F13B: variants seen among roughly 807,000 people sequenced by gnomAD.
F13B encodes the protein TGase.
A neutral mutation model predicts 79.8 loss-of-function variants in F13B; 58 were observed. That is an observed-to-expected ratio of 0.73 (90% confidence interval 0.59 to 0.90). The LOEUF is 0.90. Among genes scored for constraint, F13B ranks in the 40% least tolerant of loss-of-function variants. The pLI, the probability that F13B is intolerant of heterozygous loss-of-function variation, is 0.00. For missense variants in F13B, 773 were observed against 777.0 expected, an observed-to-expected ratio of 0.99 and a Z score of 0.06; for synonymous variants, 283 against 260.3, an observed-to-expected ratio of 1.09 and a Z score of -0.84.
Position 197,061,961 on chromosome 1 carries a change from T to C in F13B, c.274A>G (p.Thr92Ala). ...TAACCATTACTCAGGTCAGGCTTAG[T>C]GCATTTTTCTATGGGAAAAAAAATT... ...SPEPRCFKKC[T>A]KPDLSNGYIS... The change falls in exon 3 of 12, where the codon ACT becomes GCT. Residue 92 changes from threonine to alanine, a missense_variant. By Grantham distance (58) the Thr-to-Ala change is moderately conservative (BLOSUM62 0). Coordinates refer to ENST00000367412, the MANE Select transcript of F13B (RefSeq NM_001994.3). 1.9e-6 allele frequency: 3 copies of C among 1,611,800 alleles called. No individual in the cohort carries two copies. Among genetic ancestry groups the C allele is most frequent in the Non-Finnish European group, 2.5e-6 (3 of 1,178,594 alleles).
intron 10 of F13B, among the ~76,000 whole-genome samples, chr1:197,045,302 G>T (rs932221751): frequency 6.6e-6 from 1 of 151,952 alleles, no homozygotes; most frequent in African/African-American, 2.4e-5. Flanking sequence ...GAATCAAATA[G>T]ATGCAATAAA....
intron 10 of F13B, among the ~76,000 whole-genome samples, chr1:197,042,014 TTTA>T (rs1452385315): frequency 6.6e-6 from 1 of 152,186 alleles, no homozygotes; most frequent in African/African-American, 2.4e-5. Context: ...GGCATGAAAT[TTTA>T]TTATACTACT....
chr1:197,063,224 T>C (rs1427462037), intron 1 of F13B, among the ~76,000 whole-genome samples, 167 bp from the exon 2 acceptor site: 2 of 152,220 alleles, frequency 1.3e-5, no homozygotes, highest in African/African-American at 2.4e-5. Flanking sequence ...GCAGTCCTTT[T>C]ATCATAATTG....
At chr1:197,064,970 G>A (rs1655998264) in intron 1 of F13B, among the ~76,000 whole-genome samples, 1 of 152,056 alleles carries the variant, frequency 6.6e-6, no homozygotes, top group South Asian at 2.1e-4. Context: ...TGCTAGCCTA[G>A]GTTTGAAGGA....
chr1:197,042,676 C>T (rs1335185969), intron 10 of F13B, among the ~76,000 whole-genome samples: 2 of 147,724 alleles, frequency 1.4e-5, no homozygotes, highest in South Asian at 4.5e-4. Flanking sequence ...AAAAAATAGC[C>T]GGGCATGGTG....
intron 1 of F13B, among the ~76,000 whole-genome samples, 192 bp downstream of exon 1, chr1:197,066,967 AT>A (rs1656076006): frequency 6.6e-6 from 1 of 152,136 alleles, no homozygotes; most frequent in South Asian, 2.1e-4. Context: ...TTTCTGACTT[AT>A]GCTACTGTAA....
chr1:197,044,674 T>A (rs1655164137), intron 10 of F13B, among the ~76,000 whole-genome samples: 1 of 152,012 alleles, frequency 6.6e-6, no homozygotes. Flanking sequence ...GACATCTGCA[T>A]AACTCTCCAC....
chr1:197,066,656 A>G lies in F13B; in HGVS notation c.64+504T>C, dbSNP rs1157698315. Among the ~76,000 whole-genome samples the G allele has an allele frequency of 2.0e-5, 3 of 152,314 alleles. No homozygotes were observed. In the East Asian group the frequency reaches 5.8e-4, roughly 29 times the overall value. On this transcript the variant is annotated intron_variant, in intron 1 of 11. Transcript: ENST00000367412. The stretch of plus-strand genomic sequence containing the variant: ...CAATTATATGGTTCACCTACTAATC[A>G]CTACTTAATGTCTCCAACAAATGAA...
chr1:197,045,766 T>C (rs1003362110), intron 10 of F13B, among the ~76,000 whole-genome samples: 1 of 152,148 alleles, frequency 6.6e-6, no homozygotes, highest in Non-Finnish European at 1.5e-5. Context: ...AAATCCTCAA[T>C]AAAATACTGG....
chr1:197,046,193 G>T (rs1655223131), intron 10 of F13B, among the ~76,000 whole-genome samples: 1 of 152,030 alleles, frequency 6.6e-6, no homozygotes, highest in Admixed American at 6.6e-5. Flanking sequence ...AGAAATAAAT[G>T]GTATTAAATT....
intron 5 of F13B, among the ~76,000 whole-genome samples, chr1:197,059,608 A>C (rs1655774730): frequency 6.6e-6 from 1 of 152,232 alleles, no homozygotes; most frequent in Non-Finnish European, 1.5e-5. Flanking sequence ...AATATTGTCC[A>C]TCACTTCTGT....
chr1:197,055,037 T>C (rs969573941), intron 8 of F13B, among the ~76,000 whole-genome samples: 2 of 152,064 alleles, frequency 1.3e-5, no homozygotes, highest in African/African-American at 4.8e-5. Context: ...TGGAATACTA[T>C]GCAGCCATTA....
chr1:197,060,297 G>T, intron 5 of F13B, 69 bp downstream of exon 5: 3 of 1,176,058 alleles, frequency 2.6e-6, no homozygotes, highest in South Asian at 1.4e-5. Flanking sequence ...CAGGAATTTT[G>T]TCAGAGCTAA....
At chr1:197,057,863 C>T (rs1655704511) in intron 5 of F13B, among the ~76,000 whole-genome samples, 1 of 152,150 alleles carries the variant, frequency 6.6e-6, no homozygotes. Flanking sequence ...AGTTAACAGC[C>T]ACAAGAAACA....
At chr1:197,046,002 A>G (rs1232780487) in intron 10 of F13B, among the ~76,000 whole-genome samples, 1 of 152,194 alleles carries the variant, frequency 6.6e-6, no homozygotes, top group African/African-American at 2.4e-5. Context: ...CAAGGTATTG[A>G]GGGAATGTAC....
intron 10 of F13B, among the ~76,000 whole-genome samples, chr1:197,042,655 CA>C (rs933019932): frequency 0.037 from 2,643 of 72,384 alleles, 90 homozygotes; most frequent in African/African-American, 0.1. Flanking sequence ...CCCATCTCTA[CA>C]AAAAAAAAAA....
At chr1:197,051,867 T>C (rs767565456) in intron 9 of F13B, among the ~76,000 whole-genome samples, 4 of 152,118 alleles carry the variant, frequency 2.6e-5, no homozygotes, top group Non-Finnish European at 4.4e-5. Flanking sequence ...TTTGATGGTG[T>C]TGTTCGTTTT....
Position 197,057,066 on chromosome 1 carries a change from G to C in F13B, c.1118C>G (p.Ser373Trp), listed in dbSNP as rs376931227. The change falls in exon 7 of 12, where the codon TCG (serine) becomes TGG (tryptophan). Residue 373 changes from serine to tryptophan, a missense_variant. Transcript: ENST00000367412. ...TCCACGATTACAAGTTATCTCATTC[G>C]ATCCATGGAGAAGGTAGCCGCTTTT... ...ACKSGYLLHG[S>W]NEITCNRGKW... 4 of 1,613,550 alleles carry C rather than the reference G, an allele frequency of 2.5e-6. No individual in the cohort carries two copies.
chr1:197,053,986 C>T (rs1655546642), intron 8 of F13B, among the ~76,000 whole-genome samples: 2 of 152,028 alleles, frequency 1.3e-5, no homozygotes, highest in African/African-American at 4.8e-5. Context: ...TAGAGAGACT[C>T]TTAATGTCTG....
Sources: gnomAD v4.1 joint callset for allele counts (sites outside exome capture counted in the v4.1 genomes callset) on GRCh38, gnomAD v4.1.1 for gene constraint, MANE v1.5 for transcripts, NCBI Gene and HGNC (gene_info 2026-07-23, HGNC 2026-07-21) for gene names.